Variants in RFX3 observed in about 807,000 individuals in gnomAD.
The protein encoded by RFX3 is regulatory factor X3.
RFX3 carries 14 observed loss-of-function variants against 98.6 expected under a neutral mutation model. The observed-to-expected ratio is 0.14, with a 90% CI of 0.09 to 0.22. RFX3 has a LOEUF of 0.22. Ranked by LOEUF, RFX3 falls within the 10% of genes least tolerant of loss-of-function variation. The pLI, the probability that RFX3 is intolerant of heterozygous loss-of-function variation, is 1.00. For missense variants in RFX3, 639 were observed against 926.9 expected (o/e 0.69, Z 4.03); for synonymous variants, 383 against 328.4 (o/e 1.17, Z -1.80).
rs1268397336 is a variant in RFX3, at chr9:3,221,787, T to C, written c.*3255A>G. On this transcript the variant is annotated 3_prime_UTR_variant, in exon 17 of 17. Coordinates refer to ENST00000617270, the MANE Select transcript of RFX3 (RefSeq NM_001282116.2). ...ATATGTCAAGATCAAACTATACCCATGATACTCAATCCTATCATATGAAAA... is the reference window on the plus strand; with the variant it reads ...ATATGTCAAGATCAAACTATACCCACGATACTCAATCCTATCATATGAAAA... 6.6e-6 allele frequency: 1 copy of C among 152,180 alleles called. No individual in the cohort carries two copies. Among genetic ancestry groups the C allele is most frequent in the East Asian group, 1.9e-4 (1 of 5,204 alleles). 9.4% of individuals were successfully genotyped at this position (152,180 alleles called of 1,614,324 possible).
chr9:3,267,085 A>T (rs1413766985), intron 11 of RFX3, among the ~76,000 whole-genome samples: 2 of 151,992 alleles, frequency 1.3e-5, no homozygotes, highest in Non-Finnish European at 2.9e-5. Context: ...GACTATGACT[A>T]TTTTATAAGA....
intron 4 of RFX3, among the ~76,000 whole-genome samples, chr9:3,309,992 A>C (rs913626245): frequency 3.9e-5 from 6 of 152,202 alleles, no homozygotes; most frequent in African/African-American, 1.2e-4. Flanking sequence ...AAGGTGGTAC[A>C]AAAGAGGCTT....
At chr9:3,509,594 T>C (rs1007301018) in intron 1 of RFX3, among the ~76,000 whole-genome samples, 6 of 151,992 alleles carry the variant, frequency 3.9e-5, no homozygotes, top group African/African-American at 1.4e-4. Flanking sequence ...TTGGAAAACA[T>C]TTTTAAATTT....
At position 3,220,418 on chromosome 9, in the gene RFX3, T is replaced by G. The variant is rs1817278642; in HGVS notation, c.*4624A>C. The G allele has an allele frequency of 6.6e-6, 1 of 152,064 alleles. No individual in the cohort carries two copies. Among genetic ancestry groups the G allele is most frequent in the African/African-American group, 2.4e-5 (1 of 41,420 alleles). 9.4% of individuals were successfully genotyped at this position (152,064 alleles called of 1,614,324 possible). ...TCTAGGTACCTTCAATGTGCAGAAA[T>G]CAGTTATGACATAGGTCTATCCAGG... On this transcript the variant is annotated 3_prime_UTR_variant, in exon 17 of 17. Coordinates refer to ENST00000617270, the MANE Select transcript of RFX3 (RefSeq NM_001282116.2).
chr9:3,287,138 T>C (rs915156651), intron 7 of RFX3, among the ~76,000 whole-genome samples: 3 of 151,894 alleles, frequency 2.0e-5, no homozygotes, highest in African/African-American at 7.2e-5. Flanking sequence ...AACATCAGTA[T>C]TGGCTGACTA....
chr9:3,334,863 T>A (rs1832981673), intron 3 of RFX3, among the ~76,000 whole-genome samples: 1 of 152,088 alleles, frequency 6.6e-6, no homozygotes, highest in Non-Finnish European at 1.5e-5. Flanking sequence ...TTCATGCCCA[T>A]AATCCCAGCA....
intron 1 of RFX3, among the ~76,000 whole-genome samples, chr9:3,408,681 G>A (rs12341652): frequency 0.19 from 28,416 of 151,332 alleles, 4,524 homozygotes; most frequent in African/African-American, 0.43. Flanking sequence ...CTTTGGTATC[G>A]AAACTTAAGT....
intron 3 of RFX3, among the ~76,000 whole-genome samples, chr9:3,333,164 G>C (rs1832787891): frequency 6.6e-6 from 1 of 152,148 alleles, no homozygotes; most frequent in African/African-American, 2.4e-5. Flanking sequence ...GTAATAGCCA[G>C]TTTCATAAAT....
intron 1 of RFX3, among the ~76,000 whole-genome samples, chr9:3,521,845 AT>A: frequency 6.6e-6 from 1 of 152,252 alleles, no homozygotes; most frequent in Middle Eastern, 3.4e-3. Context: ...CTTTATTCAA[AT>A]TGGCCTTGGG....
At chr9:3,416,078 A>G (rs1842953772) in intron 1 of RFX3, among the ~76,000 whole-genome samples, 1 of 152,236 alleles carries the variant, frequency 6.6e-6, no homozygotes, top group Non-Finnish European at 1.5e-5. Context: ...TTTACTGTGT[A>G]AGTAAAATAA....
intron 11 of RFX3, among the ~76,000 whole-genome samples, chr9:3,268,523 C>T (rs1823955429): frequency 6.6e-6 from 1 of 151,664 alleles, no homozygotes; most frequent in African/African-American, 2.4e-5. Flanking sequence ...CTTTGCTACA[C>T]CTCATTGTAG....
chr9:3,438,132 T>C (rs1385375450), intron 1 of RFX3, among the ~76,000 whole-genome samples: 1 of 152,054 alleles, frequency 6.6e-6, no homozygotes, highest in Non-Finnish European at 1.5e-5. Context: ...CTCAGAGTCT[T>C]GCATCAGGGA....
intron 1 of RFX3, among the ~76,000 whole-genome samples, chr9:3,433,064 G>A (rs1844792761): frequency 6.6e-6 from 1 of 152,064 alleles, no homozygotes; most frequent in African/African-American, 2.4e-5. Context: ...AGTCAGCCCT[G>A]CAGAAGCCGA....
At position 3,355,249 on chromosome 9, in the gene RFX3, A is replaced by C. The variant is rs571024639; in HGVS notation, c.118-8485T>G. Among the ~76,000 whole-genome samples the C allele has an allele frequency of 8.5e-5, 13 of 152,062 alleles. No individual in the cohort carries two copies. The South Asian group carries it at 2.7e-3, about 31-fold the overall frequency. Reference sequence around the variant, plus strand: ...TATCAATAATTACCTGGAATCTACAAGATTCATATCCTAATTGTCAGAGTG... The same window carrying C: ...TATCAATAATTACCTGGAATCTACACGATTCATATCCTAATTGTCAGAGTG... On this transcript the variant is annotated intron_variant, in intron 2 of 16. Transcript: ENST00000617270.
At chr9:3,407,988 C>CA (rs1237224867) in intron 1 of RFX3, among the ~76,000 whole-genome samples, 1 of 152,082 alleles carries the variant, frequency 6.6e-6, no homozygotes, top group Non-Finnish European at 1.5e-5. Context: ...TCTGAAATCT[C>CA]AGAGTTGAGC....
intron 1 of RFX3, among the ~76,000 whole-genome samples, chr9:3,479,810 T>C (rs1010990100): frequency 6.6e-6 from 1 of 152,210 alleles, no homozygotes; most frequent in Non-Finnish European, 1.5e-5. Flanking sequence ...AAGAATCAGA[T>C]ACTTGACTTA....
chr9:3,450,431 C>T (rs371003996), intron 1 of RFX3, among the ~76,000 whole-genome samples: 13 of 152,056 alleles, frequency 8.5e-5, no homozygotes, highest in African/African-American at 3.1e-4. Flanking sequence ...AAAACATTCT[C>T]CCCAATCCTC....
intron 15 of RFX3, among the ~76,000 whole-genome samples, chr9:3,243,212 C>T (rs1175719353): frequency 1.3e-5 from 2 of 151,334 alleles, no homozygotes; most frequent in African/African-American, 4.8e-5. Context: ...TTTATTCTTA[C>T]TCTTAAAATT....
At chr9:3,234,491 G>C (rs1218375300) in intron 15 of RFX3, among the ~76,000 whole-genome samples, 1 of 152,010 alleles carries the variant, frequency 6.6e-6, no homozygotes, top group Non-Finnish European at 1.5e-5. Flanking sequence ...ATACAAAAAA[G>C]TTAGCTGGGT....
Sources: gnomAD v4.1 joint callset for allele counts (sites outside exome capture counted in the v4.1 genomes callset) on GRCh38, gnomAD v4.1.1 for gene constraint, MANE v1.5 for transcripts, NCBI Gene and HGNC (gene_info 2026-07-23, HGNC 2026-07-21) for gene names.